Variants in ETS1 observed in about 807,000 individuals in gnomAD.
ETS1 encodes protein C-ets-1.
Under a neutral mutation model 58.6 loss-of-function variants are expected in ETS1, and 15 were observed. That is an observed-to-expected ratio of 0.26 (90% CI 0.17 to 0.39). ETS1 has a LOEUF of 0.39. Ranked by LOEUF, ETS1 falls within the 10% of genes least tolerant of loss-of-function variation. ETS1 has a pLI of 1.00. For missense variants in ETS1, 417 were observed against 610.5 expected, an observed-to-expected ratio of 0.68 and a Z score of 3.34; for synonymous variants, 214 against 218.2, an observed-to-expected ratio of 0.98 and a Z score of 0.17.
chr11:128,482,215 TAAGAA>T (rs1323170606), intron 7 of ETS1, among the ~76,000 whole-genome samples: 1 of 152,212 alleles, frequency 6.6e-6, no homozygotes, highest in Non-Finnish European at 1.5e-5. Flanking sequence ...CTAAATGATT[TAAGAA>T]AACAGCCTAC....
intron 3 of ETS1, among the ~76,000 whole-genome samples, chr11:128,543,362 C>A (rs534603621): frequency 3.9e-5 from 6 of 152,104 alleles, no homozygotes; most frequent in Non-Finnish European, 7.4e-5. Context: ...TTCTCTCCCC[C>A]ATCTTTGCAG....
intron 3 of ETS1, among the ~76,000 whole-genome samples, chr11:128,535,003 A>G (rs1036204249): frequency 2.0e-5 from 3 of 152,212 alleles, no homozygotes; most frequent in African/African-American, 7.2e-5. Context: ...GAATTGCCAC[A>G]TTGTCTTCCA....
rs181971737 is a variant in ETS1, at chr11:128,491,827, G to A, written c.215-1251C>T. Among the ~76,000 whole-genome samples the A allele has an allele frequency of 2.0e-4, 31 of 152,336 alleles. 1 individual carries two copies. In the East Asian group the frequency reaches 5.4e-3, roughly 27 times the overall value. ...AATCTATAAAGCTTGGTTAGTGTCA[G>A]TAGTGAAGAAGAGTGAGGCATTACA... On this transcript the variant is annotated intron_variant, in intron 3 of 9. Transcript: ENST00000392668.
At chr11:128,558,017 C>T (rs939031671) in intron 2 of ETS1, among the ~76,000 whole-genome samples, 1 of 152,140 alleles carries the variant, frequency 6.6e-6, no homozygotes, top group African/African-American at 2.4e-5. Flanking sequence ...AGAAAAATGA[C>T]AATGAACCCA....
At chr11:128,514,387 C>T (rs2135505846) in intron 3 of ETS1, among the ~76,000 whole-genome samples, 1 of 151,918 alleles carries the variant, frequency 6.6e-6, no homozygotes, top group African/African-American at 2.4e-5. Context: ...TTCCTTCATC[C>T]CTTTCTACAA....
rs145269993 is a variant in ETS1 at position 128,493,462 on chromosome 11, C to T, written c.215-2886G>A. On this transcript the variant is annotated intron_variant, in intron 3 of 9. Coordinates refer to ENST00000392668, the MANE Select transcript of ETS1 (RefSeq NM_001143820.2). ...TCAATGCCATCTCCACAAGCCCAGT[C>T]CACGTGCTGTTGGGGCCCCATCAGA... Among the ~76,000 whole-genome samples, 536 of 152,356 alleles carry T rather than the reference C, an allele frequency of 3.5e-3. 2 individuals are homozygous for T. The highest frequency in any genetic ancestry group is 0.012 in the African/African-American group (509 of 41,572).
intron 3 of ETS1, among the ~76,000 whole-genome samples, chr11:128,531,235 C>T (rs1440408486): frequency 6.6e-6 from 1 of 152,164 alleles, no homozygotes; most frequent in African/African-American, 2.4e-5. Context: ...TCTTTGACCT[C>T]AGAAAGCCTC....
At chr11:128,551,363 C>T (rs572717793) in intron 3 of ETS1, among the ~76,000 whole-genome samples, 2 of 152,316 alleles carry the variant, frequency 1.3e-5, no homozygotes, top group East Asian at 1.9e-4. Context: ...TGATCTCTCC[C>T]AGCCGCTAGG....
intron 1 of ETS1, among the ~76,000 whole-genome samples, chr11:128,580,176 TAAAA>T (rs140049360): frequency 4.3e-4 from 44 of 102,360 alleles, no homozygotes; most frequent in Admixed American, 7.2e-4. Flanking sequence ...GTTTGGACAT[TAAAA>T]AAAAAAAAAA....
chr11:128,500,130 T>G (rs1358688921), intron 3 of ETS1, among the ~76,000 whole-genome samples: 2 of 151,774 alleles, frequency 1.3e-5, no homozygotes, highest in Non-Finnish European at 2.9e-5. Context: ...GGTGGTGCAG[T>G]GGCCATGGGG....
intron 3 of ETS1, among the ~76,000 whole-genome samples, chr11:128,505,972 G>T (rs897609940): frequency 2.0e-5 from 3 of 152,182 alleles, no homozygotes; most frequent in African/African-American, 7.2e-5. Context: ...TGAGCCCTCA[G>T]AATAAACCCT....
intron 3 of ETS1, among the ~76,000 whole-genome samples, chr11:128,502,154 G>T (rs1240151591): frequency 6.6e-6 from 1 of 152,238 alleles, no homozygotes; most frequent in Admixed American, 6.5e-5. Context: ...GGAACTGGAA[G>T]TCTGCCCTGT....
intron 3 of ETS1, among the ~76,000 whole-genome samples, chr11:128,538,773 C>T (rs1001790717): frequency 2.6e-4 from 40 of 151,844 alleles, no homozygotes; most frequent in African/African-American, 9.2e-4. Flanking sequence ...CACACACACA[C>T]ACACACACAC....
chr11:128,579,147 G>A (rs1266180049), intron 1 of ETS1, among the ~76,000 whole-genome samples: 1 of 152,126 alleles, frequency 6.6e-6, no homozygotes, highest in Non-Finnish European at 1.5e-5. Context: ...CATATCCTGG[G>A]TATGAAGATG....
At chr11:128,515,088 T>A (rs1254402925) in intron 3 of ETS1, among the ~76,000 whole-genome samples, 1 of 152,200 alleles carries the variant, frequency 6.6e-6, no homozygotes, top group Non-Finnish European at 1.5e-5. Flanking sequence ...CCCACTTTAA[T>A]GGTACAAAAA....
At chr11:128,507,289 G>A (rs1417932437) in intron 3 of ETS1, among the ~76,000 whole-genome samples, 1 of 152,150 alleles carries the variant, frequency 6.6e-6, no homozygotes, top group Non-Finnish European at 1.5e-5. Flanking sequence ...GAGAGGGAGC[G>A]GAGTGGGCAG....
chr11:128,527,908 A>G (rs1863829727), intron 3 of ETS1, among the ~76,000 whole-genome samples: 1 of 152,230 alleles, frequency 6.6e-6, no homozygotes. Context: ...CCCTCTCCCC[A>G]CTACTTTCAT....
chr11:128,513,202 G>A (rs188353867), intron 3 of ETS1, among the ~76,000 whole-genome samples: 1 of 152,280 alleles, frequency 6.6e-6, no homozygotes, highest in East Asian at 1.9e-4. Flanking sequence ...CAGAATTTGG[G>A]GATTAGGATG....
intron 3 of ETS1, among the ~76,000 whole-genome samples, chr11:128,552,442 C>G (rs1565407037): frequency 6.6e-6 from 1 of 152,208 alleles, no homozygotes; most frequent in Admixed American, 6.5e-5. Context: ...GGTTCCTCCT[C>G]ATGAAGGTAA....
Sources: gnomAD v4.1 joint callset for allele counts (sites outside exome capture counted in the v4.1 genomes callset) on GRCh38, gnomAD v4.1.1 for gene constraint, MANE v1.5 for transcripts, NCBI Gene and HGNC (gene_info 2026-07-23, HGNC 2026-07-21) for gene names.